PRKAR1B: variants seen among roughly 807,000 people sequenced by gnomAD.
PRKAR1B encodes the protein cAMP-dependent protein kinase type I-beta regulatory subunit.
A neutral mutation model predicts 46.5 loss-of-function variants in PRKAR1B; 22 were observed. That is an observed-to-expected ratio of 0.47 (90% CI 0.34 to 0.68). The LOEUF is 0.68. Ranked by LOEUF, PRKAR1B falls within the 30% of genes least tolerant of loss-of-function variation. PRKAR1B has a pLI of 0.01. For missense variants in PRKAR1B, 445 were observed against 535.6 expected, an observed-to-expected ratio of 0.83 and a Z score of 1.67; for synonymous variants, 259 against 217.7, an observed-to-expected ratio of 1.19 and a Z score of -1.67.
At chr7:643,991 G>A (rs559143674) in intron 4 of PRKAR1B, among the ~76,000 whole-genome samples, 23 of 152,212 alleles carry the variant, frequency 1.5e-4, no homozygotes, top group African/African-American at 4.1e-4. Context: ...TGTGCCATTC[G>A]AATTCCCACC....
chr7:594,355 C>T lies in PRKAR1B; in HGVS notation c.708+1791G>A, dbSNP rs553843405. On this transcript the variant is annotated intron_variant, in intron 7 of 10. Transcript: ENST00000537384. ...ACACCCACCTGGCTCAACCCCTCCT[C>T]GGCCGGGCTGGACCCCGGGACCCCA... Among the ~76,000 whole-genome samples, 410 of 152,242 alleles carry T rather than the reference C, an allele frequency of 2.7e-3. 2 individuals are homozygous for T. The highest frequency in any genetic ancestry group is 9.3e-3 in the African/African-American group (387 of 41,532).
At chr7:649,215 C>T (rs867970727) in intron 4 of PRKAR1B, among the ~76,000 whole-genome samples, 1 of 152,206 alleles carries the variant, frequency 6.6e-6, no homozygotes, top group African/African-American at 2.4e-5. Context: ...TAGAATGTTT[C>T]CACTGCTCCT....
intron 6 of PRKAR1B, among the ~76,000 whole-genome samples, chr7:598,978 C>A (rs548998479): frequency 6.6e-6 from 1 of 152,388 alleles, no homozygotes; most frequent in South Asian, 2.1e-4. Flanking sequence ...CACCTCCCAG[C>A]TTTCTGGGAT....
intron 2 of PRKAR1B, among the ~76,000 whole-genome samples, chr7:699,660 G>A (rs1005398859): frequency 6.6e-6 from 1 of 152,194 alleles, no homozygotes; most frequent in African/African-American, 2.4e-5. Context: ...TGGCCCTAAA[G>A]CAAGTGCTGA....
At chr7:587,196 G>GC (rs1405598278) in intron 7 of PRKAR1B, among the ~76,000 whole-genome samples, 1 of 152,140 alleles carries the variant, frequency 6.6e-6, no homozygotes, top group Admixed American at 6.5e-5. Flanking sequence ...ACTCAGAGGA[G>GC]CCCCCCAAAT....
chr7:629,783 C>T (rs1290662611), intron 4 of PRKAR1B, among the ~76,000 whole-genome samples: 1 of 103,602 alleles, frequency 9.7e-6, no homozygotes, highest in East Asian at 3.1e-4. Flanking sequence ...GGGCCACGGC[C>T]TCCGAGGGCG....
At chr7:605,840 G>A (rs1304571196) in intron 6 of PRKAR1B, among the ~76,000 whole-genome samples, 1 of 152,192 alleles carries the variant, frequency 6.6e-6, no homozygotes, top group Non-Finnish European at 1.5e-5. Context: ...ATCCCATGTG[G>A]TGGGTGAGCC....
intron 4 of PRKAR1B, among the ~76,000 whole-genome samples, chr7:638,544 T>C (rs1488054275): frequency 1.3e-5 from 2 of 152,188 alleles, no homozygotes; most frequent in Non-Finnish European, 2.9e-5. Context: ...TCTTGCCTAC[T>C]GGCGACCCTT....
chr7:590,253 T>C (rs9719465), intron 7 of PRKAR1B, among the ~76,000 whole-genome samples: 117,445 of 152,246 alleles, frequency 0.77, 45,584 homozygotes, highest in South Asian at 0.91. Context: ...CTCCAAAGTA[T>C]GTGCACATCA....
chr7:584,129 G>C (rs556073011), intron 8 of PRKAR1B, among the ~76,000 whole-genome samples: 1 of 152,262 alleles, frequency 6.6e-6, no homozygotes, highest in African/African-American at 2.4e-5. Flanking sequence ...AAAGCAGCTC[G>C]ACCCAGCTCA....
intron 9 of PRKAR1B, among the ~76,000 whole-genome samples, chr7:553,739 G>A (rs1206762804): frequency 6.6e-6 from 1 of 152,168 alleles, no homozygotes; most frequent in East Asian, 1.9e-4. Context: ...CATCAGTCTG[G>A]GAGAGATGTG....
chr7:635,846 C>A (rs1385349762), intron 4 of PRKAR1B, among the ~76,000 whole-genome samples: 1 of 151,988 alleles, frequency 6.6e-6, no homozygotes, highest in Non-Finnish European at 1.5e-5. Context: ...TTTCAGCAGG[C>A]CACTTAATCG....
chr7:607,552 T>A, intron 4 of PRKAR1B, 100 bp from the exon 5 acceptor site: 1 of 1,031,378 alleles, frequency 9.7e-7, no homozygotes, highest in Non-Finnish European at 1.5e-6. Flanking sequence ...CGCTTCACAG[T>A]CATTGGGGAA....
At chr7:591,747 G>A (rs894940208) in intron 7 of PRKAR1B, among the ~76,000 whole-genome samples, 2 of 152,266 alleles carry the variant, frequency 1.3e-5, no homozygotes, top group African/African-American at 4.8e-5. Flanking sequence ...GCCTGGAGAC[G>A]CACTGTCAGT....
chr7:660,650 C>T (rs1250400025), intron 4 of PRKAR1B, among the ~76,000 whole-genome samples: 1 of 124,604 alleles, frequency 8.0e-6, no homozygotes, highest in East Asian at 2.7e-4. Context: ...CCCAACAGAT[C>T]CAAATACCTA....
Position 550,688 on chromosome 7 carries a change from G to T in PRKAR1B, c.974-86C>A, listed in dbSNP as rs567393365. ...AGATTATGTCCAGGACCCTGGAAGC[G>T]GCTCCCTTTTAAGGATAGGATGTGC... On this transcript the variant is annotated intron_variant, in intron 10 of 10. Coordinates refer to ENST00000537384, the MANE Select transcript of PRKAR1B (RefSeq NM_001164760.2). 5 of 1,206,270 alleles carry T rather than the reference G, an allele frequency of 4.1e-6. No homozygotes were observed. The African/African-American group carries it at 4.6e-5, about 11-fold the overall frequency. 74.7% of individuals were successfully genotyped at this position (1,206,270 alleles called of 1,614,324 possible).
At chr7:707,899 C>T (rs1780416172) in intron 2 of PRKAR1B, among the ~76,000 whole-genome samples, 2 of 150,574 alleles carry the variant, frequency 1.3e-5, no homozygotes, top group African/African-American at 4.9e-5. Flanking sequence ...AAGATGATCA[C>T]CAGCACCACC....
intron 9 of PRKAR1B, among the ~76,000 whole-genome samples, chr7:553,019 G>A (rs567824153): frequency 8.5e-5 from 13 of 152,252 alleles, no homozygotes; most frequent in African/African-American, 1.7e-4. Context: ...TGCAGCCTGC[G>A]GACGGCGGGG....
At chr7:711,247 G>C in intron 2 of PRKAR1B, 82 bp downstream of exon 2, 1 of 1,551,114 alleles carries the variant, frequency 6.4e-7, no homozygotes, top group Non-Finnish European at 8.8e-7. Flanking sequence ...AGGACCACGG[G>C]ACAGAGGGAA....
Sources: allele counts gnomAD v4.1 joint callset (sites outside exome capture counted in the v4.1 genomes callset), GRCh38; gene constraint gnomAD v4.1.1; transcripts MANE v1.5; gene names NCBI Gene and HGNC (gene_info 2026-07-23, HGNC 2026-07-21).